The following DIP2C variants were observed in gnomAD, a reference collection of about 807,000 sequenced individuals.
The protein encoded by DIP2C is disco-interacting protein 2 homolog C.
DIP2C carries 33 observed loss-of-function variants against 192.4 expected under a neutral mutation model. That is an observed-to-expected ratio of 0.17 (90% CI 0.13 to 0.23). The LOEUF (loss-of-function observed/expected upper bound fraction) is 0.23. DIP2C is among the 10% of genes least tolerant of loss of function. DIP2C has a pLI of 1.00. For synonymous variants in DIP2C, 979 were observed against 864.1 expected (o/e 1.13, Z -2.33); for missense variants, 1,537 against 2,110.1 (o/e 0.73, Z 5.32).
chr10:345,565 CCCCAACCCAGACACACT>C (rs1564590355), intron 26 of DIP2C, among the ~76,000 whole-genome samples: 1,780 of 79,450 alleles, frequency 0.022, 46 homozygotes, highest in African/African-American at 0.078. Context: ...CCCCCCACAC[CCCCAACCCAGACACACT>C]GCGCATAGTT....
chr10:440,567 G>A (rs934854189), intron 4 of DIP2C, among the ~76,000 whole-genome samples: 8 of 151,926 alleles, frequency 5.3e-5, no homozygotes, highest in Admixed American at 2.6e-4. Context: ...CACCCAGAGG[G>A]GTACAAACTC....
In DIP2C at chr10:384,012, A is replaced by C; in HGVS notation, c.1876+15T>G. The C allele has an allele frequency of 6.5e-7, 1 of 1,530,448 alleles. No homozygotes were observed. Among genetic ancestry groups the C allele is most frequent in the Non-Finnish European group, 8.7e-7 (1 of 1,147,610 alleles). 94.8% of individuals were successfully genotyped at this position (1,530,448 alleles called of 1,614,324 possible). A position where few individuals can be genotyped will look rare whatever the true frequency, so the allele number is the denominator to read the frequency against. On this transcript the variant is annotated intron_variant, in intron 16 of 36. Coordinates refer to ENST00000280886, the MANE Select transcript of DIP2C (RefSeq NM_014974.3). ...CAGCCCGCCTGCCTCACGAGATCAC[A>C]CGCTCCTCACTTACAGGGGTTCGCG...
chr10:356,473 C>T lies in DIP2C; in HGVS notation c.2938G>A (p.Ala980Thr). Residue 980 changes from alanine to threonine, a missense_variant, in exon 24 of 37, where the codon GCA becomes ACA. Transcript: ENST00000280886. The part of the protein sequence containing the change: ...LFLSEVLQWR[A>T]QTTPDHILYT... ...AGGATGTGGTCCGGGGTGGTCTGTG[C>T]TCTCCACTGCAAGACCTCTGAGAGG... is the stretch of plus-strand genomic sequence containing the variant. 1 of 1,612,188 alleles carries T rather than the reference C, an allele frequency of 6.2e-7. No homozygotes were observed. Among genetic ancestry groups the T allele is most frequent in the Non-Finnish European group, 8.5e-7 (1 of 1,179,904 alleles).
At chr10:640,673 ATGAGGG>A (rs1855128286) in intron 1 of DIP2C, among the ~76,000 whole-genome samples, 1 of 140,790 alleles carries the variant, frequency 7.1e-6, no homozygotes, top group African/African-American at 3.1e-5. Flanking sequence ...GCGCGCGGGG[ATGAGGG>A]TGCGCGCGGG....
intron 1 of DIP2C, among the ~76,000 whole-genome samples, chr10:559,109 T>TTC (rs1194722215): frequency 6.6e-6 from 1 of 152,196 alleles, no homozygotes; most frequent in Non-Finnish European, 1.5e-5. Flanking sequence ...AAAGTAAAAT[T>TTC]TCTCCTTTCC....
At chr10:488,277 G>A (rs1844164603) in intron 1 of DIP2C, among the ~76,000 whole-genome samples, 1 of 152,206 alleles carries the variant, frequency 6.6e-6, no homozygotes, top group Non-Finnish European at 1.5e-5. Flanking sequence ...GGCCACTTCT[G>A]GAGACACGCT....
intron 1 of DIP2C, among the ~76,000 whole-genome samples, chr10:554,874 C>T (rs1035452993): frequency 4.5e-5 from 6 of 132,498 alleles, no homozygotes; most frequent in African/African-American, 2.0e-4. Flanking sequence ...CAGGTGTGCC[C>T]GAGACAGAGG....
intron 1 of DIP2C, among the ~76,000 whole-genome samples, chr10:499,922 T>C (rs939303172): frequency 3.9e-5 from 6 of 152,218 alleles, no homozygotes; most frequent in African/African-American, 1.4e-4. Context: ...GCCTAGGTGC[T>C]GACTAGGACT....
intron 32 of DIP2C, 42 bp downstream of exon 32, chr10:309,989 C>T: frequency 6.2e-7 from 1 of 1,603,274 alleles, no homozygotes; most frequent in Non-Finnish European, 8.5e-7. Flanking sequence ...CAGAACAAAA[C>T]AAAAAAAGGA....
At chr10:544,923 TCC>T (rs951946219) in intron 1 of DIP2C, among the ~76,000 whole-genome samples, 4 of 152,168 alleles carry the variant, frequency 2.6e-5, no homozygotes, top group Non-Finnish European at 5.9e-5. Flanking sequence ...TACTGTCTTT[TCC>T]CCTTCAGTTG....
intron 1 of DIP2C, among the ~76,000 whole-genome samples, chr10:576,150 G>A (rs1323048499): frequency 6.6e-6 from 1 of 152,200 alleles, no homozygotes; most frequent in African/African-American, 2.4e-5. Flanking sequence ...TTCCAGATGT[G>A]CTGGCACCAA....
At chr10:545,166 C>CT (rs60185327) in intron 1 of DIP2C, among the ~76,000 whole-genome samples, 3,688 of 86,330 alleles carry the variant, frequency 0.043, 118 homozygotes, top group Middle Eastern at 0.075. Flanking sequence ...GGTGTTTTCC[C>CT]TTTTTTTTTT....
intron 3 of DIP2C, among the ~76,000 whole-genome samples, chr10:442,125 A>G (rs1397620156): frequency 6.6e-6 from 1 of 152,206 alleles, no homozygotes; most frequent in Non-Finnish European, 1.5e-5. Context: ...GCAGAATAAA[A>G]TCACCACCAA....
rs564068450 is a variant in DIP2C, at chr10:419,773, TTC to T, written c.605-576_605-575del. On this transcript the variant is annotated intron_variant, in intron 5 of 36. Coordinates refer to ENST00000280886, the MANE Select transcript of DIP2C (RefSeq NM_014974.3). ...ACATCAAGAACTATTATTTTATTATTTCTCTTAGTACAAACAACAACAGTCAT... is the reference window on the plus strand; with the variant it reads ...ACATCAAGAACTATTATTTTATTATTTCTTAGTACAAACAACAACAGTCAT... 4.6e-4 allele frequency among the ~76,000 whole-genome samples: 70 copies of T among 152,290 alleles called. No homozygotes were observed. In the South Asian group the frequency reaches 0.013, roughly 29 times the overall value.
intron 8 of DIP2C, among the ~76,000 whole-genome samples, chr10:411,084 C>G (rs1482572116): frequency 2.0e-5 from 3 of 152,312 alleles, no homozygotes; most frequent in African/African-American, 7.2e-5. Flanking sequence ...TTGAGAGAGA[C>G]ACCATCAACC....
At position 452,411 on chromosome 10, in the gene DIP2C, T is replaced by C. The variant is rs571999487; in HGVS notation, c.269-11415A>G. On this transcript the variant is annotated intron_variant, in intron 3 of 36. Transcript: ENST00000280886. The stretch of plus-strand genomic sequence containing the variant: ...GCAAACACGTGGAAAAAGGACAACC[T>C]GCCCAGGGGTGAAGAGCAGCTTCTG... 2.6e-5 allele frequency among the ~76,000 whole-genome samples: 4 copies of C among 152,230 alleles called. No individual in the cohort carries two copies. The South Asian group carries it at 8.3e-4, about 32-fold the overall frequency.
intron 2 of DIP2C, among the ~76,000 whole-genome samples, chr10:478,708 G>A (rs181405971): frequency 6.6e-5 from 10 of 151,596 alleles, no homozygotes; most frequent in African/African-American, 1.7e-4. Flanking sequence ...CACTCATCTC[G>A]TGTCCGGGCG....
At chr10:424,841 G>A (rs573695693) in intron 4 of DIP2C, among the ~76,000 whole-genome samples, 3 of 152,292 alleles carry the variant, frequency 2.0e-5, no homozygotes, top group Admixed American at 1.3e-4. Context: ...CCTCTTCCAA[G>A]AAACCTGAAG....
At chr10:570,670 C>T (rs11253246) in intron 1 of DIP2C, among the ~76,000 whole-genome samples, 4,987 of 152,278 alleles carry the variant, frequency 0.033, 123 homozygotes, top group Non-Finnish European at 0.05. Context: ...CAAATTCTCA[C>T]GTATTCCTGT....
Sources: gnomAD v4.1 joint callset for allele counts (sites outside exome capture counted in the v4.1 genomes callset) on GRCh38, gnomAD v4.1.1 for gene constraint, MANE v1.5 for transcripts, NCBI Gene and HGNC (gene_info 2026-07-23, HGNC 2026-07-21) for gene names.